Variants in BTBD8 observed in about 807,000 individuals in gnomAD.
The protein encoded by BTBD8 is BTB domain containing 8.
In BTBD8, 110 loss-of-function variants were observed where a neutral mutation model predicts 162.9. The ratio of observed to expected loss-of-function variants is 0.68; its 90% CI spans 0.58 to 0.79. The LOEUF (loss-of-function observed/expected upper bound fraction) is 0.79. Among genes scored for constraint, BTBD8 ranks in the 30% least tolerant of loss-of-function variants. The probability of loss-of-function intolerance (pLI) is 0.00; values close to 1 mark genes in which losing one functional copy is unlikely to be tolerated. For synonymous variants in BTBD8, 667 were observed against 716.1 expected, an observed-to-expected ratio of 0.93 and a Z score of 1.10; for missense variants, 1,905 against 2,085.4, an observed-to-expected ratio of 0.91 and a Z score of 1.68.
intron 1 of BTBD8, among the ~76,000 whole-genome samples, chr1:92,084,044 A>G (rs752194072): frequency 1.6e-4 from 24 of 152,196 alleles, no homozygotes; most frequent in Non-Finnish European, 3.2e-4. Flanking sequence ...GATTGGTAGT[A>G]TCACTAGCAC....
chr1:92,141,168 C>T lies in BTBD8; in HGVS notation c.887C>T (p.Ala296Val). The change falls in exon 7 of 18, where the codon GCA becomes GTA. Residue 296 changes from alanine (A) to valine (V), a missense_variant. Physicochemically the swap from Ala to Val is moderately conservative, Grantham distance 64. Transcript: ENST00000636805. ...GGACTAGAAGGATTAAAAGAAGTAGCAATCTATATTTTAAGAAGAGATTAC... is the reference window on the plus strand; with the variant it reads ...GGACTAGAAGGATTAAAAGAAGTAGTAATCTATATTTTAAGAAGAGATTAC... Reference protein sequence around the residue: ...MYGLEGLKEVAIYILRRDYCN... With the variant: ...MYGLEGLKEVVIYILRRDYCN... The T allele has an allele frequency of 5.7e-6, 9 of 1,582,900 alleles. No individual in the cohort carries two copies. The highest frequency in any genetic ancestry group is 7.7e-6 in the Non-Finnish European group (9 of 1,162,602).
chr1:92,153,797 A>C (rs2100647397), intron 9 of BTBD8, among the ~76,000 whole-genome samples: 1 of 152,306 alleles, frequency 6.6e-6, no homozygotes, highest in East Asian at 1.9e-4. Flanking sequence ...GGCTATTGTA[A>C]ATAGTGCTGC....
In BTBD8 at chr1:92,109,677, C is replaced by A. The variant is rs74331877; in HGVS notation, c.662+1676C>A. Among the ~76,000 whole-genome samples the A allele has an allele frequency of 8.7e-3, 1,324 of 152,208 alleles. 14 individuals are homozygous for A. Among genetic ancestry groups the A allele is most frequent in the Non-Finnish European group, 0.014 (978 of 67,998 alleles). ...AAATTATAAGGTTACCTTCCTAGTC[C>A]AGACTCAAACATCTTTCTGTTTATA... On this transcript the variant is annotated intron_variant, in intron 4 of 17. Transcript: ENST00000636805.
chr1:92,140,775 T>C (rs894635756), intron 6 of BTBD8, among the ~76,000 whole-genome samples: 6 of 152,260 alleles, frequency 3.9e-5, no homozygotes, highest in Non-Finnish European at 8.8e-5. Context: ...ACTTTTATTA[T>C]ACAAATTTGT....
chr1:92,083,675 A>G (rs916862616), intron 1 of BTBD8, among the ~76,000 whole-genome samples: 1 of 152,172 alleles, frequency 6.6e-6, no homozygotes, highest in Non-Finnish European at 1.5e-5. Context: ...GTGGAGAACC[A>G]TCGGTGTTTT....
chr1:92,166,938 A>G lies in BTBD8; in HGVS notation c.1123-20A>G. On this transcript the variant is annotated intron_variant, in intron 9 of 17. Transcript: ENST00000636805. ...TAGCAGTAATAGCATCTAACTTTCCAATTTTTTTTTAAATCTAAGAATGAT... is the reference window on the plus strand; with the variant it reads ...TAGCAGTAATAGCATCTAACTTTCCGATTTTTTTTTAAATCTAAGAATGAT... 6.6e-7 allele frequency: 1 copy of G among 1,526,078 alleles called. No individual in the cohort carries two copies. The highest frequency in any genetic ancestry group is 8.8e-7 in the Non-Finnish European group (1 of 1,134,770). The allele number at this position is 1,526,078 out of a possible 1,614,324, so 94.5% of individuals were successfully genotyped here.
intron 4 of BTBD8, chr1:92,114,861 C>A: frequency 5.9e-6 from 2 of 338,944 alleles, no homozygotes; most frequent in South Asian, 6.3e-5. Flanking sequence ...TAGCCAAATT[C>A]ATTGTCATGC....
intron 1 of BTBD8, among the ~76,000 whole-genome samples, chr1:92,084,895 C>T (rs1648114333): frequency 6.6e-6 from 1 of 152,204 alleles, no homozygotes; most frequent in South Asian, 2.1e-4. Flanking sequence ...GTACTCTGTG[C>T]TGACCAACAT....
In BTBD8 at chr1:92,182,085, CCTT is replaced by C. The variant is rs145948325; in HGVS notation, c.4405_4407del (p.Ser1469del). The C allele has an allele frequency of 1.1e-3, 1,693 of 1,551,546 alleles. 23 individuals are homozygous for C. The African/African-American group carries it at 0.017, about 16-fold the overall frequency. ...TCAGGCTTCTGTAGATTCTTTTTCA[CCTT>C]CTGATGTTTTTGATGGCATTTCTCA... On this transcript the variant is annotated inframe_deletion, in exon 17 of 18. Coordinates refer to ENST00000636805, the MANE Select transcript of BTBD8 (RefSeq NM_001376131.1).
At chr1:92,163,399 A>G (rs1327458784) in intron 9 of BTBD8, among the ~76,000 whole-genome samples, 1 of 147,146 alleles carries the variant, frequency 6.8e-6, no homozygotes, top group African/African-American at 2.5e-5. Context: ...GATACAGAGT[A>G]CTGTGCATAT....
chr1:92,098,486 C>CTGACAGACTCTTTTCCAAAA (rs1401468264), intron 2 of BTBD8, among the ~76,000 whole-genome samples: 1 of 152,182 alleles, frequency 6.6e-6, no homozygotes, highest in Non-Finnish European at 1.5e-5. Context: ...TTTTCAGGAA[C>CTGACAGACTCTTTTCCAAAA]TGACAGACTC....
At chr1:92,134,773 G>GTGAA (rs1257732349) in intron 5 of BTBD8, among the ~76,000 whole-genome samples, 7 of 152,090 alleles carry the variant, frequency 4.6e-5, no homozygotes, top group African/African-American at 9.7e-5. Flanking sequence ...CAAAGAATGA[G>GTGAA]TGAATGAATG....
chr1:92,080,793 T>A (rs567955110), intron 1 of BTBD8, 73 bp downstream of exon 1: 1 of 1,538,252 alleles, frequency 6.5e-7, no homozygotes, highest in East Asian at 2.4e-5. Context: ...TGAGGCTTCT[T>A]TCGGCTCTGC....
At chr1:92,178,496 G>A (rs1650789079) in intron 16 of BTBD8, 45 bp downstream of exon 16, 1 of 1,472,688 alleles carries the variant, frequency 6.8e-7, no homozygotes, top group African/African-American at 1.4e-5. Context: ...ATTTCCTTGT[G>A]TAAACTGGAT....
At chr1:92,097,477 T>C (rs2101899266) in intron 2 of BTBD8, among the ~76,000 whole-genome samples, 1 of 152,302 alleles carries the variant, frequency 6.6e-6, no homozygotes, top group East Asian at 1.9e-4. Context: ...GCCACCAACA[T>C]CACTAATTCC....
intron 7 of BTBD8, among the ~76,000 whole-genome samples, chr1:92,144,098 C>T (rs1169159370): frequency 1.3e-5 from 2 of 148,614 alleles, no homozygotes; most frequent in African/African-American, 5.0e-5. Context: ...CTCAGCCTCC[C>T]CAGTAGCTGG....
rs771662563 is a variant in BTBD8, at chr1:92,129,674, C to G, written c.663-13C>G. 3.1e-6 allele frequency: 5 copies of G among 1,605,372 alleles called. No homozygotes were observed. The highest frequency in any genetic ancestry group is 1.3e-5 in the African/African-American group (1 of 74,686). Reference sequence around the variant, plus strand: ...AAATGTTTACCTGTGTTTCTCCCCCCTCTTCCCTTTAGGGCCATTTTGAGT... The same window carrying G: ...AAATGTTTACCTGTGTTTCTCCCCCGTCTTCCCTTTAGGGCCATTTTGAGT... On this transcript the variant is annotated splice_polypyrimidine_tract_variant and intron_variant, in intron 4 of 17. Coordinates refer to ENST00000636805, the MANE Select transcript of BTBD8 (RefSeq NM_001376131.1).
At chr1:92,121,774 C>G (rs758017235) in intron 4 of BTBD8, among the ~76,000 whole-genome samples, 2 of 152,062 alleles carry the variant, frequency 1.3e-5, no homozygotes, top group African/African-American at 4.8e-5. Flanking sequence ...TTTTCATGTG[C>G]TTATTTGCCA....
chr1:92,080,762 C>A, intron 1 of BTBD8, 42 bp downstream of exon 1: 2 of 1,568,780 alleles, frequency 1.3e-6, no homozygotes, highest in African/African-American at 1.4e-5. Flanking sequence ...GTTCCTAAAT[C>A]GCCCACCTCC....
Sources: allele counts gnomAD v4.1 joint callset (sites outside exome capture counted in the v4.1 genomes callset), GRCh38; gene constraint gnomAD v4.1.1; transcripts MANE v1.5; gene names NCBI Gene and HGNC (gene_info 2026-07-23, HGNC 2026-07-21).